Variants in EHBP1 observed in about 807,000 individuals in gnomAD.
EHBP1 encodes EH domain-binding protein 1.
A neutral mutation model predicts 144.0 loss-of-function variants in EHBP1; 55 were observed. The ratio of observed to expected loss-of-function variants is 0.38; its 90% CI spans 0.31 to 0.48. The LOEUF is 0.48. EHBP1 is among the 20% of genes least tolerant of loss of function. The probability of loss-of-function intolerance (pLI) is 0.98; values close to 1 mark genes in which losing one functional copy is unlikely to be tolerated. For synonymous variants in EHBP1, 469 were observed against 472.7 expected (o/e 0.99, Z 0.10); for missense variants, 1,200 against 1,364.2 (o/e 0.88, Z 1.90).
At chr2:63,023,653 TTGG>T (rs1266052056) in intron 19 of EHBP1, among the ~76,000 whole-genome samples, 1 of 152,182 alleles carries the variant, frequency 6.6e-6, no homozygotes, top group Non-Finnish European at 1.5e-5. Flanking sequence ...ATAGCACCAC[TTGG>T]TGGCCAAAAC....
At chr2:62,896,252 A>G (rs1411131325) in intron 10 of EHBP1, among the ~76,000 whole-genome samples, 1 of 152,216 alleles carries the variant, frequency 6.6e-6, no homozygotes, top group African/African-American at 2.4e-5. Context: ...GAAGCAAGTA[A>G]TAACTTGTCG....
At chr2:62,712,823 G>A (rs2035282035) in intron 2 of EHBP1, among the ~76,000 whole-genome samples, 1 of 152,176 alleles carries the variant, frequency 6.6e-6, no homozygotes, top group South Asian at 2.1e-4. Flanking sequence ...TGAGGATGTG[G>A]TTAATGTTAA....
chr2:62,944,869 T>C (rs1273776101), intron 12 of EHBP1, among the ~76,000 whole-genome samples: 1 of 152,226 alleles, frequency 6.6e-6, no homozygotes, highest in Admixed American at 6.5e-5. Flanking sequence ...TTCTACTGAA[T>C]TGAATTCTTC....
intron 2 of EHBP1, among the ~76,000 whole-genome samples, chr2:62,731,418 C>A (rs1281661613): frequency 6.6e-6 from 1 of 152,122 alleles, no homozygotes; most frequent in Non-Finnish European, 1.5e-5. Context: ...TGTCTTATTG[C>A]ATTAGCTAGG....
chr2:62,896,072 T>C (rs955075341), intron 10 of EHBP1, among the ~76,000 whole-genome samples: 4 of 152,196 alleles, frequency 2.6e-5, no homozygotes, highest in Non-Finnish European at 5.9e-5. Context: ...TTTCTAACTT[T>C]CTGGAGATAC....
chr2:62,997,014 G>A (rs1167291592), intron 19 of EHBP1, among the ~76,000 whole-genome samples: 1 of 151,806 alleles, frequency 6.6e-6, no homozygotes. Flanking sequence ...ATGCAGAGTT[G>A]GAATACACAT....
At chr2:62,890,446 A>G (rs1453664691) in intron 10 of EHBP1, among the ~76,000 whole-genome samples, 2 of 152,050 alleles carry the variant, frequency 1.3e-5, no homozygotes, top group Admixed American at 1.3e-4. Context: ...CCTTGTAGGT[A>G]TCTTTCACTT....
upstream of EHBP1, among the ~76,000 whole-genome samples, chr2:62,701,817 C>T (rs2034289156): frequency 6.6e-6 from 1 of 151,814 alleles, no homozygotes; most frequent in Non-Finnish European, 1.5e-5. Flanking sequence ...ATTTCATTAG[C>T]AGTTAAAAAT....
intron 7 of EHBP1, among the ~76,000 whole-genome samples, chr2:62,843,628 CT>C (rs2152730401): frequency 6.6e-6 from 1 of 152,118 alleles, no homozygotes; most frequent in South Asian, 2.1e-4. Context: ...AGTTGTTTGG[CT>C]TTCTTAGTTG....
chr2:63,004,464 G>A (rs2059959581), intron 19 of EHBP1, among the ~76,000 whole-genome samples: 1 of 152,022 alleles, frequency 6.6e-6, no homozygotes, highest in African/African-American at 2.4e-5. Context: ...AATACCAAAT[G>A]ACAGTGATTG....
At chr2:62,891,394 C>A (rs1558866087) in intron 10 of EHBP1, among the ~76,000 whole-genome samples, 1 of 152,014 alleles carries the variant, frequency 6.6e-6, no homozygotes, top group South Asian at 2.1e-4. Context: ...TGATATAAGT[C>A]CCAACTTGAA....
intron 14 of EHBP1, among the ~76,000 whole-genome samples, chr2:62,956,280 C>T (rs1044453691): frequency 1.3e-5 from 2 of 152,082 alleles, no homozygotes; most frequent in Non-Finnish European, 2.9e-5. Context: ...TGTATAATAA[C>T]AGGAGCCCTT....
intron 10 of EHBP1, among the ~76,000 whole-genome samples, chr2:62,884,531 A>G (rs965017371): frequency 1.3e-5 from 2 of 152,072 alleles, no homozygotes; most frequent in Non-Finnish European, 2.9e-5. Flanking sequence ...TTCCATTTCT[A>G]CTGTGCAAAT....
At chr2:62,837,503 T>A (rs190075241) in intron 7 of EHBP1, among the ~76,000 whole-genome samples, 1,956 of 152,024 alleles carry the variant, frequency 0.013, 41 homozygotes, top group African/African-American at 0.044. Context: ...TAACTTTAAA[T>A]ATACATGGAC....
chr2:62,920,365 A>G (rs1356344081), intron 10 of EHBP1, among the ~76,000 whole-genome samples: 2 of 152,210 alleles, frequency 1.3e-5, no homozygotes, highest in Non-Finnish European at 2.9e-5. Flanking sequence ...CAAGAATCCT[A>G]TATCTGAAAA....
chr2:62,879,385 T>C (rs1041497812), intron 10 of EHBP1, among the ~76,000 whole-genome samples: 4 of 152,084 alleles, frequency 2.6e-5, no homozygotes, highest in African/African-American at 9.7e-5. Flanking sequence ...TGAGAAAACC[T>C]CATAGTTGCT....
chr2:62,676,329 G>T (rs866586545), intron 1 of EHBP1, among the ~76,000 whole-genome samples: 1 of 152,172 alleles, frequency 6.6e-6, no homozygotes, highest in East Asian at 1.9e-4. Flanking sequence ...ATTTCATTTG[G>T]CTTTTAAAAG....
Position 62,803,811 on chromosome 2 carries a change from C to T in EHBP1, c.313-22276C>T, listed in dbSNP as rs145208496. ...TACGTTCAAATTTGTGTCTTTTATGCGGTACAGTGTAGTGGATAAATGTAC... is the reference window on the plus strand; with the variant it reads ...TACGTTCAAATTTGTGTCTTTTATGTGGTACAGTGTAGTGGATAAATGTAC... On this transcript the variant is annotated intron_variant, in intron 5 of 22. Transcript: ENST00000431489. Among the ~76,000 whole-genome samples the T allele has an allele frequency of 1.9e-3, 292 of 152,258 alleles. 1 individual carries two copies. Among genetic ancestry groups the T allele is most frequent in the African/African-American group, 6.6e-3 (275 of 41,548 alleles).
chr2:62,934,575 A>G (rs1383256136), intron 10 of EHBP1, among the ~76,000 whole-genome samples: 1 of 152,218 alleles, frequency 6.6e-6, no homozygotes, highest in Non-Finnish European at 1.5e-5. Context: ...ATGCTAGGCC[A>G]TATTTTAGTT....
Sources: gnomAD v4.1 joint callset for allele counts (sites outside exome capture counted in the v4.1 genomes callset) on GRCh38, gnomAD v4.1.1 for gene constraint, MANE v1.5 for transcripts, NCBI Gene and HGNC (gene_info 2026-07-23, HGNC 2026-07-21) for gene names.